Variants in MAGI3 observed in about 807,000 individuals in gnomAD.
MAGI3 encodes the protein membrane-associated guanylate kinase, WW and PDZ domain-containing protein 3.
A neutral mutation model predicts 121.8 loss-of-function variants in MAGI3; 43 were observed. That is an observed-to-expected ratio of 0.35 (90% CI 0.28 to 0.46). The LOEUF (loss-of-function observed/expected upper bound fraction) is 0.46, where lower values mean the gene tolerates loss of function less well. Among genes scored for constraint, MAGI3 ranks in the 20% least tolerant of loss-of-function variants. The probability of loss-of-function intolerance (pLI) is 1.00; values close to 1 mark genes in which losing one functional copy is unlikely to be tolerated. For synonymous variants in MAGI3, 553 were observed against 639.3 expected, an observed-to-expected ratio of 0.86 and a Z score of 2.04; for missense variants, 1,547 against 1,797.3, an observed-to-expected ratio of 0.86 and a Z score of 2.52.
chr1:113,571,719 T>C (rs1416795548), intron 2 of MAGI3, among the ~76,000 whole-genome samples: 1 of 152,216 alleles, frequency 6.6e-6, no homozygotes, highest in Admixed American at 6.5e-5. Flanking sequence ...ATAGGAATGC[T>C]TGTGATTTTT....
chr1:113,585,266 C>A (rs1052535029), intron 3 of MAGI3, 121 bp from the exon 4 acceptor site: 3 of 860,192 alleles, frequency 3.5e-6, no homozygotes, highest in Non-Finnish European at 3.7e-6. Flanking sequence ...CCATGCCCAC[C>A]CCTATGGTAG....
intron 1 of MAGI3, among the ~76,000 whole-genome samples, chr1:113,480,955 G>T (rs1226429900): frequency 6.6e-6 from 1 of 152,124 alleles, no homozygotes; most frequent in Non-Finnish European, 1.5e-5. Context: ...AGAAGGACCT[G>T]GTCCACAAAA....
At chr1:113,545,583 T>C (rs1407961878) in intron 1 of MAGI3, among the ~76,000 whole-genome samples, 1 of 152,240 alleles carries the variant, frequency 6.6e-6, no homozygotes, top group Non-Finnish European at 1.5e-5. Flanking sequence ...GTGGTGAACA[T>C]TAATTTGCAT....
intron 1 of MAGI3, among the ~76,000 whole-genome samples, chr1:113,519,042 A>G (rs1450926640): frequency 6.6e-6 from 1 of 152,146 alleles, no homozygotes; most frequent in Non-Finnish European, 1.5e-5. Context: ...AAAAGGGGGT[A>G]CTGATGCTTT....
intron 1 of MAGI3, among the ~76,000 whole-genome samples, chr1:113,504,997 T>A (rs1241165055): frequency 6.6e-6 from 1 of 152,134 alleles, no homozygotes; most frequent in Non-Finnish European, 1.5e-5. Flanking sequence ...TGTGTGTGAG[T>A]TTATGTATGA....
intron 1 of MAGI3, among the ~76,000 whole-genome samples, chr1:113,435,386 C>G (rs758810909): frequency 5.3e-5 from 8 of 152,108 alleles, no homozygotes; most frequent in Non-Finnish European, 7.4e-5. Flanking sequence ...TACCTACTTT[C>G]TCTTTTCCTT....
At chr1:113,450,797 C>A in intron 1 of MAGI3, 1 of 768,968 alleles carries the variant, frequency 1.3e-6, no homozygotes, top group Non-Finnish European at 2.4e-6. Flanking sequence ...AGGAAAACTG[C>A]AGCTTACTTT....
chr1:113,537,687 G>A (rs1441580550), intron 1 of MAGI3, among the ~76,000 whole-genome samples: 2 of 151,976 alleles, frequency 1.3e-5, no homozygotes, highest in Non-Finnish European at 2.9e-5. Context: ...TGTATTTTCT[G>A]GAGTTGATAA....
chr1:113,425,056 G>T (rs1652926926), intron 1 of MAGI3, among the ~76,000 whole-genome samples: 1 of 152,034 alleles, frequency 6.6e-6, no homozygotes, highest in Non-Finnish European at 1.5e-5. Context: ...CTACTTAGGA[G>T]GCTGAGGCAG....
chr1:113,549,574 A>G lies in MAGI3; in HGVS notation c.376A>G (p.Ile126Val), dbSNP rs376619517. The change falls in exon 2 of 21, where the codon ATT becomes GTT. Residue 126 changes from isoleucine (I) to valine (V), a missense_variant. Ile to Val is a conservative substitution (Grantham distance 29, BLOSUM62 3). Coordinates refer to ENST00000307546, the MANE Select transcript of MAGI3 (RefSeq NM_001142782.2). ...AAGTCTTCAGTTTCAAAAAGGATCA[A>G]TTGACCACAAACTGCAGCAAGTGAT... ...YLSLQFQKGS[I>V]DHKLQQVIRD... is the part of the protein sequence containing the mutation. 3 of 1,611,558 alleles carry G rather than the reference A, an allele frequency of 1.9e-6. No homozygotes were observed. Among genetic ancestry groups the G allele is most frequent in the Admixed American group, 3.3e-5 (2 of 59,796 alleles).
chr1:113,645,755 A>G (rs185112075), intron 11 of MAGI3, among the ~76,000 whole-genome samples: 3 of 152,228 alleles, frequency 2.0e-5, no homozygotes, highest in Admixed American at 2.0e-4. Flanking sequence ...CCCTCTCCTA[A>G]CAATAATCCA....
intron 1 of MAGI3, among the ~76,000 whole-genome samples, chr1:113,453,670 A>T (rs550666058): frequency 1.3e-5 from 2 of 152,218 alleles, no homozygotes; most frequent in East Asian, 3.9e-4. Flanking sequence ...GCTAGCCCTT[A>T]CATAGTGGAG....
At chr1:113,423,112 A>T (rs1165395354) in intron 1 of MAGI3, among the ~76,000 whole-genome samples, 4 of 152,162 alleles carry the variant, frequency 2.6e-5, no homozygotes, top group Non-Finnish European at 5.9e-5. Context: ...TCCAGGAAGA[A>T]TGAGATTATG....
At chr1:113,596,672 T>G (rs1212278369) in intron 6 of MAGI3, among the ~76,000 whole-genome samples, 2 of 152,048 alleles carry the variant, frequency 1.3e-5, no homozygotes, top group Non-Finnish European at 2.9e-5. Context: ...TAATAAACAT[T>G]TCACCAAAGA....
At chr1:113,560,242 G>A (rs1660167401) in intron 2 of MAGI3, among the ~76,000 whole-genome samples, 1 of 152,092 alleles carries the variant, frequency 6.6e-6, no homozygotes, top group Non-Finnish European at 1.5e-5. Flanking sequence ...GTTGAGTATG[G>A]TGGCACACTC....
At chr1:113,639,130 G>C (rs542106680) in intron 9 of MAGI3, among the ~76,000 whole-genome samples, 1 of 152,114 alleles carries the variant, frequency 6.6e-6, no homozygotes, top group African/African-American at 2.4e-5. Flanking sequence ...TCCAGGTGCC[G>C]TCTGTCACCC....
intron 1 of MAGI3, among the ~76,000 whole-genome samples, chr1:113,432,320 A>T (rs1022806107): frequency 7.2e-5 from 11 of 152,294 alleles, no homozygotes; most frequent in South Asian, 4.1e-4. Context: ...ATTTTTTAAA[A>T]TAAGGAAACT....
Position 113,651,139 on chromosome 1 carries a change from C to A in MAGI3, c.2373C>A (p.Asp791Glu). The A allele has an allele frequency of 6.2e-7, 1 of 1,614,148 alleles. No homozygotes were observed. Among genetic ancestry groups the A allele is most frequent in the Non-Finnish European group, 8.5e-7 (1 of 1,180,018 alleles). Residue 791 changes from aspartate (D) to glutamate (E), a missense_variant, in exon 14 of 21, where the codon GAC becomes GAA. Asp to Glu is a conservative substitution (Grantham distance 45). Transcript: ENST00000307546. Reference sequence around the variant, plus strand: ...GGAAATCACACAAACAAGTCTTGGACCTCATGACAACTGCTGCTCGAAATG... The same window carrying A: ...GGAAATCACACAAACAAGTCTTGGAACTCATGACAACTGCTGCTCGAAATG... ...VKGKSHKQVL[D>E]LMTTAARNGH...
At chr1:113,637,228 C>T (rs1266684980) in intron 9 of MAGI3, among the ~76,000 whole-genome samples, 2 of 152,160 alleles carry the variant, frequency 1.3e-5, no homozygotes, top group African/African-American at 2.4e-5. Context: ...AGTCCATTTA[C>T]ATTTAAAGTT....
Sources: allele counts gnomAD v4.1 joint callset (sites outside exome capture counted in the v4.1 genomes callset), GRCh38; gene constraint gnomAD v4.1.1; transcripts MANE v1.5; gene names NCBI Gene and HGNC (gene_info 2026-07-23, HGNC 2026-07-21).